ACAD11: variants seen among roughly 807,000 people sequenced by gnomAD.
ACAD11 encodes acyl-Coenzyme A dehydrogenase family, member 11.
In ACAD11, 83 loss-of-function variants were observed where a neutral mutation model predicts 102.2. The ratio of observed to expected loss-of-function variants is 0.81; its 90% CI spans 0.68 to 0.97. The LOEUF (loss-of-function observed/expected upper bound fraction) is 0.97. Among genes scored for constraint, ACAD11 ranks in the 50% least tolerant of loss-of-function variants. The pLI, the probability that ACAD11 is intolerant of heterozygous loss-of-function variation, is 0.00. For missense variants in ACAD11, 901 were observed against 951.7 expected, an observed-to-expected ratio of 0.95 and a Z score of 0.70; for synonymous variants, 324 against 319.8, an observed-to-expected ratio of 1.01 and a Z score of -0.14.
At chr3:132,585,258 T>A (rs1056539536) in intron 13 of ACAD11, among the ~76,000 whole-genome samples, 25 of 152,312 alleles carry the variant, frequency 1.6e-4, no homozygotes, top group Non-Finnish European at 2.5e-4. Flanking sequence ...ATTCCCTATT[T>A]AATAAATGGT....
intron 11 of ACAD11, among the ~76,000 whole-genome samples, chr3:132,608,890 T>G (rs959086860): frequency 2.0e-5 from 3 of 152,024 alleles, no homozygotes; most frequent in African/African-American, 7.2e-5. Context: ...CATAATTGGA[T>G]GTAAAACACT....
At chr3:132,571,371 T>C (rs1937374098) in intron 17 of ACAD11, among the ~76,000 whole-genome samples, 1 of 151,658 alleles carries the variant, frequency 6.6e-6, no homozygotes, top group Non-Finnish European at 1.5e-5. Flanking sequence ...GTAAATTTGT[T>C]TAAGTTCCTT....
intron 12 of ACAD11, 187 bp downstream of exon 12, chr3:132,604,911 G>A (rs1938772078): frequency 2.1e-6 from 1 of 477,118 alleles, no homozygotes. Context: ...CAAAGGAGAG[G>A]ATCATATTTT....
intron 1 of ACAD11, among the ~76,000 whole-genome samples, chr3:132,650,969 A>C (rs1393758319): frequency 6.6e-6 from 1 of 152,138 alleles, no homozygotes; most frequent in African/African-American, 2.4e-5. Context: ...GTGCCCCTGG[A>C]ACTCACAGTC....
At chr3:132,610,078 C>G (rs925973421) in intron 11 of ACAD11, among the ~76,000 whole-genome samples, 8 of 152,158 alleles carry the variant, frequency 5.3e-5, no homozygotes, top group South Asian at 2.1e-4. Flanking sequence ...AAATTAAACA[C>G]CCCTTCATGC....
rs746346241 is a variant in ACAD11 at position 132,619,551 on chromosome 3, A to G, written c.1198-6T>C. 2 of 1,537,364 alleles carry G rather than the reference A, an allele frequency of 1.3e-6. No homozygotes were observed. The highest frequency in any genetic ancestry group is 8.8e-7 in the Non-Finnish European group (1 of 1,140,978). ...ACATAGAACTCAGTTACCTCCTTAA[A>G]GTAATAAAAGAAAAAAATTTCACTA... On this transcript the variant is annotated splice_polypyrimidine_tract_variant and splice_region_variant and intron_variant, in intron 9 of 19. Transcript: ENST00000264990.
chr3:132,595,603 T>C (rs1157890602), intron 13 of ACAD11, among the ~76,000 whole-genome samples: 1 of 151,776 alleles, frequency 6.6e-6, no homozygotes, highest in Non-Finnish European at 1.5e-5. Context: ...AAATTTACAA[T>C]TAAAAACAAC....
intron 13 of ACAD11, among the ~76,000 whole-genome samples, chr3:132,582,685 A>T (rs187701076): frequency 5.6e-4 from 83 of 148,980 alleles, no homozygotes; most frequent in Admixed American, 1.3e-3. Context: ...AAACTGATTT[A>T]AAAAAAAAAC....
intron 17 of ACAD11, among the ~76,000 whole-genome samples, chr3:132,568,076 A>G (rs1937263993): frequency 6.6e-6 from 1 of 152,060 alleles, no homozygotes; most frequent in South Asian, 2.1e-4. Context: ...AAATACAAAA[A>G]AATTAGCCAG....
rs368529492 is a variant in ACAD11 at position 132,601,238 on chromosome 3, A to G, written c.1621+1991T>C. 348 of 1,613,736 alleles carry G rather than the reference A, an allele frequency of 2.2e-4. No homozygotes were observed. The highest frequency in any genetic ancestry group is 2.8e-4 in the Non-Finnish European group (332 of 1,179,762). On this transcript the variant is annotated intron_variant, in intron 13 of 19. Coordinates refer to ENST00000264990, the MANE Select transcript of ACAD11 (RefSeq NM_032169.5). ...CACCAGCTGCAACATGAGCAAACGCATGGACATCGCCATCCAAGTCACAGA... is the reference window on the plus strand; with the variant it reads ...CACCAGCTGCAACATGAGCAAACGCGTGGACATCGCCATCCAAGTCACAGA...
At chr3:132,615,688 T>C (rs11920197) in intron 11 of ACAD11, among the ~76,000 whole-genome samples, 57,460 of 151,692 alleles carry the variant, frequency 0.38, 13,710 homozygotes, top group East Asian at 0.71. Flanking sequence ...AGGTGAGGGG[T>C]TAGGGGAGAG....
At chr3:132,648,579 G>C (rs1940805552) in intron 1 of ACAD11, 1 of 151,890 alleles carries the variant, frequency 6.6e-6, no homozygotes, top group South Asian at 2.1e-4. Context: ...CCCTGATAAG[G>C]GAATCAGTTG....
intron 1 of ACAD11, among the ~76,000 whole-genome samples, chr3:132,652,762 A>G (rs1940976288): frequency 6.6e-6 from 1 of 152,188 alleles, no homozygotes; most frequent in African/African-American, 2.4e-5. Flanking sequence ...AGCTAAGCAA[A>G]GGTGTGATCT....
chr3:132,617,979 C>T (rs181270914), intron 11 of ACAD11, among the ~76,000 whole-genome samples: 129 of 152,270 alleles, frequency 8.5e-4, no homozygotes, highest in Middle Eastern at 3.4e-3. Context: ...TCAGTGAGGC[C>T]TATCCTGACC....
chr3:132,569,924 T>C (rs1017041875), intron 17 of ACAD11, among the ~76,000 whole-genome samples: 4 of 152,200 alleles, frequency 2.6e-5, no homozygotes, highest in African/African-American at 7.2e-5. Context: ...CCTGATACTA[T>C]ATTCTAGTTT....
intron 13 of ACAD11, among the ~76,000 whole-genome samples, chr3:132,588,599 T>C (rs1937949083): frequency 6.6e-6 from 1 of 152,092 alleles, no homozygotes; most frequent in Admixed American, 6.5e-5. Flanking sequence ...ATACGTAAAA[T>C]ATAGTTAAGA....
intron 9 of ACAD11, 140 bp downstream of exon 9, chr3:132,626,550 CT>C: frequency 1.1e-6 from 1 of 916,372 alleles, no homozygotes; most frequent in African/African-American, 1.7e-5. Flanking sequence ...TCTATCGTGG[CT>C]TAGTTCTAAG....
chr3:132,645,234 C>T (rs1476536915), intron 1 of ACAD11, among the ~76,000 whole-genome samples: 1 of 152,154 alleles, frequency 6.6e-6, no homozygotes, highest in Non-Finnish European at 1.5e-5. Context: ...AATAAACAAT[C>T]TGAGAAGAGA....
At chr3:132,592,817 C>G (rs1938137284) in intron 13 of ACAD11, among the ~76,000 whole-genome samples, 3 of 151,996 alleles carry the variant, frequency 2.0e-5, no homozygotes, top group Non-Finnish European at 2.9e-5. Context: ...AAAAGATGTT[C>G]ATTGTACAAT....
Sources: allele counts gnomAD v4.1 joint callset (sites outside exome capture counted in the v4.1 genomes callset), GRCh38; gene constraint gnomAD v4.1.1; transcripts MANE v1.5; gene names NCBI Gene and HGNC (gene_info 2026-07-23, HGNC 2026-07-21).